The following SCGB2B2 variants were observed in gnomAD, a reference collection of about 807,000 sequenced individuals.
SCGB2B2 encodes secretoglobin-like protein.
A neutral mutation model predicts 7.6 loss-of-function variants in SCGB2B2; 11 were observed. The observed-to-expected ratio is 1.45, with a 90% CI of 0.91 to 2.40. The LOEUF (loss-of-function observed/expected upper bound fraction) is 2.40, where lower values mean the gene tolerates loss of function less well. Among genes scored for constraint, SCGB2B2 ranks in the 30% most tolerant of loss-of-function variants. The probability of loss-of-function intolerance (pLI) is 0.00; values close to 1 mark genes in which losing one functional copy is unlikely to be tolerated. For synonymous variants in SCGB2B2, 50 were observed against 48.6 expected (o/e 1.03, Z -0.12); for missense variants, 104 against 115.4 (o/e 0.90, Z 0.45).
intron 1 of SCGB2B2, among the ~76,000 whole-genome samples, chr19:34,642,663 C>T (rs902323790): frequency 1.2e-3 from 149 of 121,494 alleles, no homozygotes; most frequent in African/African-American, 1.6e-3. Context: ...TGCAGTGAGT[C>T]GAGATCGTGC....
intron 1 of SCGB2B2, among the ~76,000 whole-genome samples, chr19:34,602,156 A>C (rs895595791): frequency 6.6e-6 from 1 of 152,212 alleles, no homozygotes; most frequent in South Asian, 2.1e-4. Flanking sequence ...AAAAAAGGAA[A>C]GATGATGAAT....
chr19:34,594,147 G>T, intron 3 of SCGB2B2, 28 bp downstream of exon 3: 1 of 1,586,080 alleles, frequency 6.3e-7, no homozygotes, highest in Non-Finnish European at 8.7e-7. Flanking sequence ...GCCATGTAGT[G>T]TGTGCAGGTC....
chr19:34,628,744 G>A (rs1374983053), intron 1 of SCGB2B2, among the ~76,000 whole-genome samples: 1 of 151,934 alleles, frequency 6.6e-6, no homozygotes, highest in Non-Finnish European at 1.5e-5. Context: ...AGAAAAAGAG[G>A]GAATCCTCTC....
intron 1 of SCGB2B2, among the ~76,000 whole-genome samples, chr19:34,663,877 T>A (rs1383942494): frequency 6.6e-6 from 1 of 151,750 alleles, no homozygotes; most frequent in Non-Finnish European, 1.5e-5. Flanking sequence ...AGGAGAGGAC[T>A]GGGGGGAAGA....
chr19:34,635,869 G>A (rs2066661139), intron 1 of SCGB2B2, among the ~76,000 whole-genome samples: 1 of 152,220 alleles, frequency 6.6e-6, no homozygotes, highest in Non-Finnish European at 1.5e-5. Context: ...CTCTGCTGAG[G>A]CATTTCTCTC....
rs2065299125 is a variant in SCGB2B2 at position 34,591,583 on chromosome 19, A to C, written c.*1972T>G. On this transcript the variant is annotated 3_prime_UTR_variant, in exon 4 of 4. Coordinates refer to ENST00000601241, the MANE Select transcript of SCGB2B2 (RefSeq NM_001025591.4). Reference sequence around the variant, plus strand: ...TTTTCACTGCACATGGAAAGGATCCACCTTTCTGCAAGGTCCTGCGTGACC... The same window carrying C: ...TTTTCACTGCACATGGAAAGGATCCCCCTTTCTGCAAGGTCCTGCGTGACC... Among the ~76,000 whole-genome samples, 1 of 152,126 alleles carries C rather than the reference A, an allele frequency of 6.6e-6. No individual in the cohort carries two copies. The highest frequency in any genetic ancestry group is 1.5e-5 in the Non-Finnish European group (1 of 68,004).
At chr19:34,612,518 T>TAAA (rs936429013) in intron 1 of SCGB2B2, among the ~76,000 whole-genome samples, 3 of 152,238 alleles carry the variant, frequency 2.0e-5, no homozygotes, top group Non-Finnish European at 2.9e-5. Context: ...TTTCATCATT[T>TAAA]AAAAATGTAG....
chr19:34,628,132 G>A (rs1398273042), intron 1 of SCGB2B2, among the ~76,000 whole-genome samples: 1 of 151,908 alleles, frequency 6.6e-6, no homozygotes, highest in Non-Finnish European at 1.5e-5. Flanking sequence ...GTGTGTAGAG[G>A]GAAATTTATA....
chr19:34,592,214 GAGA>G lies in SCGB2B2; in HGVS notation c.*1338_*1340del, dbSNP rs1489642354. 6.6e-6 allele frequency among the ~76,000 whole-genome samples: 1 copy of G among 152,166 alleles called. No homozygotes were observed. Among genetic ancestry groups the G allele is most frequent in the Non-Finnish European group, 1.5e-5 (1 of 68,028 alleles). ...ATTTTGGGCAGTGGGAGTGAGGGAG[GAGA>G]AGAATGTTGAAAGGAAATCTGGGAG... On this transcript the variant is annotated 3_prime_UTR_variant, in exon 4 of 4. Coordinates refer to ENST00000601241, the MANE Select transcript of SCGB2B2 (RefSeq NM_001025591.4).
In SCGB2B2 at chr19:34,623,294, C is replaced by T. The variant is rs146962078; in HGVS notation, c.-2031-26700G>A. The stretch of plus-strand genomic sequence containing the variant: ...TCCTAAAGCAAACTTCAGGGTCTGA[C>T]GATTAAAAGAGATCCAGGCTGCACT... On this transcript the variant is annotated intron_variant, in intron 1 of 3. Transcript: ENST00000601241. Among the ~76,000 whole-genome samples the T allele has an allele frequency of 5.9e-3, 892 of 152,118 alleles. 32 individuals carry two copies. The South Asian group carries it at 0.098, about 17-fold the overall frequency.
intron 1 of SCGB2B2, among the ~76,000 whole-genome samples, chr19:34,650,987 A>C (rs2067148560): frequency 6.6e-6 from 1 of 151,372 alleles, no homozygotes; most frequent in African/African-American, 2.5e-5. Flanking sequence ...ACACCAACAG[A>C]ATGAGTACAA....
At position 34,675,843 on chromosome 19, in the gene SCGB2B2, CAGTG is replaced by C. The variant is rs1263177126; in HGVS notation, c.-2249_-2246del. 5.9e-5 allele frequency: 9 copies of C among 153,380 alleles called. No homozygotes were observed. 9.5% of individuals were successfully genotyped at this position (153,380 alleles called of 1,614,324 possible). On this transcript the variant is annotated 5_prime_UTR_variant, in exon 1 of 4. Coordinates refer to ENST00000601241, the MANE Select transcript of SCGB2B2 (RefSeq NM_001025591.4). ...TCAGGAGTGAAGCTGCAGACCTTCA[CAGTG>C]AGTGTTACAGCTCCTAAAGACGGCG...
Position 34,594,374 on chromosome 19 carries a change from G to A in SCGB2B2, c.62-15C>T. 1 of 1,612,114 alleles carries A rather than the reference G, an allele frequency of 6.2e-7. No homozygotes were observed. Among genetic ancestry groups the A allele is most frequent in the Non-Finnish European group, 8.5e-7 (1 of 1,178,354 alleles). ...GCAGGCATCCCCTGTGGAGGATGAG[G>A]TGAGATAAGAAAACAGAGGAGGTCA... is the stretch of plus-strand genomic sequence containing the variant. On this transcript the variant is annotated splice_polypyrimidine_tract_variant and intron_variant, in intron 2 of 3. Transcript: ENST00000601241.
intron 1 of SCGB2B2, among the ~76,000 whole-genome samples, chr19:34,642,464 C>A (rs1325204760): frequency 6.6e-6 from 1 of 151,974 alleles, no homozygotes. Flanking sequence ...ACCTGTAAGC[C>A]CAGCACTTTG....
At chr19:34,666,307 C>T (rs2067619993) in intron 1 of SCGB2B2, among the ~76,000 whole-genome samples, 1 of 152,128 alleles carries the variant, frequency 6.6e-6, no homozygotes, top group Admixed American at 6.5e-5. Context: ...GCTTGTCCCA[C>T]ACAGTCACAC....
At chr19:34,668,321 G>A (rs930983870) in intron 1 of SCGB2B2, among the ~76,000 whole-genome samples, 1 of 152,116 alleles carries the variant, frequency 6.6e-6, no homozygotes, top group Non-Finnish European at 1.5e-5. Context: ...CGGGCAGTGA[G>A]GGGCTTAGCA....
At chr19:34,618,636 A>C (rs1227610222) in intron 1 of SCGB2B2, among the ~76,000 whole-genome samples, 1 of 152,250 alleles carries the variant, frequency 6.6e-6, no homozygotes, top group Non-Finnish European at 1.5e-5. Context: ...TCTTTTTAAC[A>C]AAAGTCATAC....
intron 1 of SCGB2B2, among the ~76,000 whole-genome samples, chr19:34,659,041 CAT>C (rs920531884): frequency 1.6e-4 from 25 of 152,198 alleles, no homozygotes; most frequent in Non-Finnish European, 2.8e-4. Context: ...ACAAAAACCA[CAT>C]GATTATCTCA....
chr19:34,668,765 A>T (rs2067714294), intron 1 of SCGB2B2, among the ~76,000 whole-genome samples: 1 of 151,820 alleles, frequency 6.6e-6, no homozygotes, highest in South Asian at 2.1e-4. Flanking sequence ...TTGTGTCCAC[A>T]CTCTGTATCT....
Sources: allele counts gnomAD v4.1 joint callset (sites outside exome capture counted in the v4.1 genomes callset), GRCh38; gene constraint gnomAD v4.1.1; transcripts MANE v1.5; gene names NCBI Gene and HGNC (gene_info 2026-07-23, HGNC 2026-07-21).